The following CYP2E1 variants were observed in gnomAD, a reference collection of about 807,000 sequenced individuals.
CYP2E1 encodes cytochrome P450 family 2 subfamily E member 1, also known as cytochrome P450 2E1.
A neutral mutation model predicts 42.9 loss-of-function variants in CYP2E1; 31 were observed. The ratio of observed to expected loss-of-function variants is 0.72; its 90% confidence interval spans 0.54 to 0.98. The LOEUF (loss-of-function observed/expected upper bound fraction) is 0.98, where lower values mean the gene tolerates loss of function less well. CYP2E1 is among the 50% of genes least tolerant of loss of function. CYP2E1 has a pLI of 0.00. For missense variants in CYP2E1, 565 were observed against 633.2 expected (o/e 0.89, Z 1.16); for synonymous variants, 244 against 248.9 (o/e 0.98, Z 0.19).
chr10:133,534,885 G>T (rs1485257375), intron 6 of CYP2E1, among the ~76,000 whole-genome samples: 2 of 149,478 alleles, frequency 1.3e-5, no homozygotes, highest in African/African-American at 4.9e-5. Context: ...TTTTTGAGGG[G>T]ACAGGGTCTC....
chr10:133,534,867 TA>T (rs200482672), intron 6 of CYP2E1, among the ~76,000 whole-genome samples: 3,303 of 53,160 alleles, frequency 0.062, 18 homozygotes, highest in Non-Finnish European at 0.098. Context: ...TTTATTTATT[TA>T]TTTTTTTTTT....
intron 8 of CYP2E1, 46 bp downstream of exon 8, chr10:133,537,938 A>T (rs778242408): frequency 1.3e-6 from 2 of 1,577,994 alleles, no homozygotes; most frequent in Admixed American, 3.4e-5. Context: ...AGCAGCCCAC[A>T]CTCCTCATCT....
At chr10:133,528,429 C>T (rs1851297163) in intron 1 of CYP2E1, 52 bp from the exon 2 acceptor site, 4 of 1,602,710 alleles carry the variant, frequency 2.5e-6, no homozygotes, top group South Asian at 2.2e-5. Context: ...CTTAGAGCCC[C>T]GCACCTCCTC....
intron 1 of CYP2E1, 148 bp from the exon 2 acceptor site, chr10:133,528,333 C>G (rs927513931): frequency 1.4e-5 from 13 of 902,556 alleles, no homozygotes; most frequent in African/African-American, 5.0e-5. Flanking sequence ...GGGTCTCCCC[C>G]ACCTCGGGCT....
At chr10:133,535,771 A>G (rs1851387772) in intron 6 of CYP2E1, among the ~76,000 whole-genome samples, 2 of 152,180 alleles carry the variant, frequency 1.3e-5, no homozygotes, top group South Asian at 4.1e-4. Flanking sequence ...GCCAAAGTCT[A>G]CCTCCTCACA....
chr10:133,534,572 G>A (rs1238717351), intron 6 of CYP2E1, among the ~76,000 whole-genome samples: 2 of 152,188 alleles, frequency 1.3e-5, no homozygotes, highest in South Asian at 2.1e-4. Flanking sequence ...GGAGGAAAGG[G>A]AGCTGCAGCC....
chr10:133,537,557 T>G (rs1851420782), intron 7 of CYP2E1, 194 bp from the exon 8 acceptor site: 2 of 610,214 alleles, frequency 3.3e-6, no homozygotes, highest in South Asian at 2.2e-5. Context: ...GTGAGAAGAT[T>G]AGGGCTTTCA....
chr10:133,537,827 C>G lies in CYP2E1; in HGVS notation c.1232C>G (p.Pro411Arg). 6.2e-7 allele frequency: 1 copy of G among 1,613,830 alleles called. No homozygotes were observed. The highest frequency in any genetic ancestry group is 8.5e-7 in the Non-Finnish European group (1 of 1,179,808). Residue 411 changes from proline (P) to arginine (R), a missense_variant, in exon 8 of 9, where the codon CCA becomes CGA. By Grantham distance (103) the Pro-to-Arg change is moderately radical. Coordinates refer to ENST00000252945, the MANE Select transcript of CYP2E1 (RefSeq NM_000773.4). ...QEFPDPEKFK[P>R]EHFLNENGKF... is the part of the protein sequence containing the mutation. Reference sequence around the variant, plus strand: ...TTTCCTGATCCAGAAAAGTTTAAGCCAGAACACTTCCTGAATGAAAATGGA... The same window carrying G: ...TTTCCTGATCCAGAAAAGTTTAAGCGAGAACACTTCCTGAATGAAAATGGA...
chr10:133,537,686 G>T lies in CYP2E1; in HGVS notation c.1156-65G>T, dbSNP rs1297122581. On this transcript the variant is annotated intron_variant, in intron 7 of 8. Transcript: ENST00000252945. ...ATTCAAAACTACATTCTTCACTGGG[G>T]GTTTCCAGATGAAAGCCCACATTTT... 2.8e-5 allele frequency: 38 copies of T among 1,372,392 alleles called. No homozygotes were observed. In the Admixed American group the frequency reaches 6.6e-4, roughly 24 times the overall value. 85.0% of individuals were successfully genotyped at this position (1,372,392 alleles called of 1,614,324 possible).
At chr10:133,537,945 A>G (rs961765977) in intron 8 of CYP2E1, 53 bp downstream of exon 8, 1 of 1,572,342 alleles carries the variant, frequency 6.4e-7, no homozygotes. Context: ...CACACTCCTC[A>G]TCTCCCCTCC....
At chr10:133,532,358 A>G (rs1851349244) in intron 4 of CYP2E1, 74 bp downstream of exon 4, 13 of 1,456,284 alleles carry the variant, frequency 8.9e-6, no homozygotes, top group Non-Finnish European at 1.1e-5. Context: ...AATTTGGGTT[A>G]TATGTGATAG....
chr10:133,538,683 A>T, intron 8 of CYP2E1, 97 bp from the exon 9 acceptor site: 3 of 1,116,150 alleles, frequency 2.7e-6, no homozygotes, highest in Non-Finnish European at 2.7e-6. Flanking sequence ...CCGTTTGCCC[A>T]CAGCCTCCTC....
chr10:133,537,089 G>A lies in CYP2E1; in HGVS notation c.994G>A (p.Val332Met). 6.2e-7 allele frequency: 1 copy of A among 1,613,802 alleles called. No individual in the cohort carries two copies. Among genetic ancestry groups the A allele is most frequent in the African/African-American group, 1.3e-5 (1 of 75,008 alleles). The change falls in exon 7 of 9, where the codon GTG becomes ATG. Residue 332 changes from valine to methionine, a missense_variant. Transcript: ENST00000252945. ...GAAGCTCCATGAAGAAATTGACAGG[G>A]TGATTGGGCCAAGCCGAATCCCTGC... is the stretch of plus-strand genomic sequence containing the variant. ...EEKLHEEIDR[V>M]IGPSRIPAIK...
In CYP2E1 at chr10:133,539,103, C is replaced by G; in HGVS notation, c.*139C>G. The G allele has an allele frequency of 1.6e-5, 9 of 560,844 alleles. No homozygotes were observed. Among genetic ancestry groups the G allele is most frequent in the Non-Finnish European group, 2.6e-5 (9 of 344,314 alleles). 34.7% of individuals were successfully genotyped at this position (560,844 alleles called of 1,614,324 possible). ...TTTTCCCAGAATATAAATAAATCAT[C>G]ACATGATTATTTTAACTATATGTTA... On this transcript the variant is annotated 3_prime_UTR_variant, in exon 9 of 9. Transcript: ENST00000252945.
intron 6 of CYP2E1, among the ~76,000 whole-genome samples, chr10:133,535,877 G>T (rs532204688): frequency 3.3e-5 from 5 of 152,230 alleles, no homozygotes; most frequent in African/African-American, 1.2e-4. Flanking sequence ...TCATATTATT[G>T]CTGTATGTGT....
At chr10:133,531,871 T>G in intron 3 of CYP2E1, 137 bp downstream of exon 3, 1 of 933,956 alleles carries the variant, frequency 1.1e-6, no homozygotes, top group Non-Finnish European at 1.6e-6. Context: ...CCCCAGATAC[T>G]GCATTTTACA....
intron 6 of CYP2E1, among the ~76,000 whole-genome samples, chr10:133,535,190 C>CG (rs1564849235): frequency 6.6e-6 from 1 of 151,928 alleles, no homozygotes; most frequent in African/African-American, 2.4e-5. Flanking sequence ...AAAAAGTAGC[C>CG]GGGTGTGGTG....
chr10:133,529,961 G>T (rs1159804010), intron 2 of CYP2E1, among the ~76,000 whole-genome samples: 1 of 152,214 alleles, frequency 6.6e-6, no homozygotes, highest in Non-Finnish European at 1.5e-5. Context: ...GGGTTCTGTG[G>T]TTGAGGAGCT....
chr10:133,534,398 G>A (rs924212739), intron 6 of CYP2E1, among the ~76,000 whole-genome samples: 4 of 151,972 alleles, frequency 2.6e-5, no homozygotes, highest in Admixed American at 6.5e-5. Context: ...TCCTCCCAGC[G>A]GCACCTGGGG....
Sources: gnomAD v4.1 joint callset for allele counts (sites outside exome capture counted in the v4.1 genomes callset) on GRCh38, gnomAD v4.1.1 for gene constraint, MANE v1.5 for transcripts, NCBI Gene and HGNC (gene_info 2026-07-23, HGNC 2026-07-21) for gene names.